KCNC1: variants seen among roughly 807,000 people sequenced by gnomAD.
The protein encoded by KCNC1 is voltage-gated potassium channel KCNC1.
KCNC1 carries 8 observed loss-of-function variants against 43.4 expected under a neutral mutation model. The ratio of observed to expected loss-of-function variants is 0.18; its 90% CI spans 0.11 to 0.33. The LOEUF is 0.33. Among genes scored for constraint, KCNC1 ranks in the 10% least tolerant of loss-of-function variants. The pLI is 1.00. For synonymous variants in KCNC1, 361 were observed against 360.5 expected (o/e 1.00, Z -0.01); for missense variants, 420 against 836.0 (o/e 0.50, Z 6.14).
chr11:17,772,232 G>GAGCACA lies in KCNC1; in HGVS notation c.1139_1144dup (p.His381_Thr382insLysHis). The GAGCACA allele has an allele frequency of 6.2e-7, 1 of 1,614,076 alleles. No homozygotes were observed. The highest frequency in any genetic ancestry group is 8.5e-7 in the Non-Finnish European group (1 of 1,180,038). On this transcript the variant is annotated inframe_insertion, in exon 2 of 4. Transcript: ENST00000265969. ...ACAGCCCAATGACCCCAGCGCCAGT[G>GAGCACA]AGCACACGCACTTTAAGAACATCCC...
chr11:17,743,718 C>T (rs532492252), intron 1 of KCNC1, among the ~76,000 whole-genome samples: 106 of 152,344 alleles, frequency 7.0e-4, no homozygotes, highest in African/African-American at 2.4e-3. Context: ...TCCTGCGGCT[C>T]CCTTCCGCCA....
chr11:17,763,571 T>TAC (rs148784935), intron 1 of KCNC1, among the ~76,000 whole-genome samples: 8,577 of 78,174 alleles, frequency 0.11, 922 homozygotes, highest in African/African-American at 0.31. Context: ...ACACATGCAA[T>TAC]ACACACACAC....
In KCNC1 at chr11:17,777,866, G is replaced by C. The variant is rs1239265562; in HGVS notation, c.1505-1590G>C. On this transcript the variant is annotated intron_variant, in intron 2 of 3. Coordinates refer to ENST00000265969, the MANE Select transcript of KCNC1 (RefSeq NM_001112741.2). The surrounding 1 kb of genome is among the most constrained non-coding windows in gnomAD (Gnocchi z 4.3). ...CTTTGTAGTGACATGATGTGTACAC[G>C]GGCGGTAATCCCACCCACGTGCACG... 1.0e-6 allele frequency: 1 copy of C among 986,088 alleles called. No individual in the cohort carries two copies. Among genetic ancestry groups the C allele is most frequent in the Admixed American group, 6.1e-5 (1 of 16,270 alleles). 61.1% of individuals were successfully genotyped at this position (986,088 alleles called of 1,614,324 possible).
In KCNC1 at chr11:17,770,661, C is replaced by T. The variant is rs1218811393; in HGVS notation, c.571-1004C>T. 2.0e-5 allele frequency among the ~76,000 whole-genome samples: 3 copies of T among 152,178 alleles called. No homozygotes were observed. The East Asian group carries it at 5.8e-4, about 29-fold the overall frequency. On this transcript the variant is annotated intron_variant, in intron 1 of 3. Transcript: ENST00000265969. The stretch of plus-strand genomic sequence containing the variant: ...AACCAAACCAAAGGGTCTCCCAAAC[C>T]TTTTTGCTGGGGGCTCAGGGCCAGA...
Position 17,779,571 on chromosome 11 carries a change from C to T in KCNC1, c.1620C>T (p.Arg540=), listed in dbSNP as rs1429680081. Residue 540 remains arginine (R), a synonymous_variant, in exon 3 of 4, where the codon CGC becomes CGT. Coordinates refer to ENST00000265969, the MANE Select transcript of KCNC1 (RefSeq NM_001112741.2). The surrounding 1 kb of genome is among the most constrained non-coding windows in gnomAD (Gnocchi z 7.2). ...TGCCCTTTACGCGCTCGGGCACCCG[C>T]GAGAGATACGGACCCTGCTTCCTCT... ...EGLPFTRSGT[R]ERYGPCFLLS... is the part of the protein sequence containing the mutation. 6 of 1,551,606 alleles carry T rather than the reference C, an allele frequency of 3.9e-6. No homozygotes were observed. Among genetic ancestry groups the T allele is most frequent in the Middle Eastern group, 1.7e-4 (1 of 5,988 alleles).
intron 1 of KCNC1, among the ~76,000 whole-genome samples, chr11:17,769,696 A>G (rs1849200176): frequency 6.6e-6 from 1 of 152,094 alleles, no homozygotes; most frequent in African/African-American, 2.4e-5. Flanking sequence ...AAATAAATAA[A>G]TAAATTAATT....
At chr11:17,738,137 G>T (rs1371839816) in intron 1 of KCNC1, among the ~76,000 whole-genome samples, 1 of 152,144 alleles carries the variant, frequency 6.6e-6, no homozygotes, top group Non-Finnish European at 1.5e-5. Context: ...GGTCACCCAG[G>T]GAGCTAGAGG....
rs1037611381 is a variant in KCNC1, at chr11:17,735,649, GC to G, written c.-351del. ...CCCACCTCCCGGGGCTCGCTGCTGA[GC>G]CCGCCCCCCTCCCTCTTTCCCCCTC... is the stretch of plus-strand genomic sequence containing the variant. On this transcript the variant is annotated 5_prime_UTR_variant, in exon 1 of 4. Coordinates refer to ENST00000265969, the MANE Select transcript of KCNC1 (RefSeq NM_001112741.2). The surrounding 1 kb of genome is among the most constrained non-coding windows in gnomAD (Gnocchi z 6.7). 2 of 127,634 alleles carry G rather than the reference GC, an allele frequency of 1.6e-5. No individual in the cohort carries two copies. Among genetic ancestry groups the G allele is most frequent in the African/African-American group, 6.1e-5 (2 of 32,716 alleles). The allele number at this position is 127,634 out of a possible 1,614,324, so 7.9% of individuals were successfully genotyped here. A position where few individuals can be genotyped will look rare whatever the true frequency, so the allele number is the denominator to read the frequency against.
chr11:17,779,569 C>T lies in KCNC1; in HGVS notation c.1618C>T (p.Arg540Cys), dbSNP rs1010198171. 3.0e-5 allele frequency: 46 copies of T among 1,551,426 alleles called. No individual in the cohort carries two copies. The highest frequency in any genetic ancestry group is 3.9e-5 in the Admixed American group (2 of 50,950). ...EGLPFTRSGTRERYGPCFLLS... is the reference protein window; with the variant it reads ...EGLPFTRSGTCERYGPCFLLS... ...CCTGCCCTTTACGCGCTCGGGCACC[C>T]GCGAGAGATACGGACCCTGCTTCCT... Residue 540 changes from arginine to cysteine, a missense_variant, in exon 3 of 4, where the codon CGC becomes TGC. By Grantham distance (180) the Arg-to-Cys change is radical (BLOSUM62 -3). This residue lies in a region of KCNC1 where 147 missense variants were observed against 176.1 expected (regional missense o/e 0.83). Transcript: ENST00000265969. This position sits in a 1 kb window ranked among gnomAD's most constrained non-coding sequence, Gnocchi z 7.2.
intron 1 of KCNC1, among the ~76,000 whole-genome samples, chr11:17,766,909 C>CA (rs1849156503): frequency 6.8e-6 from 1 of 146,420 alleles, no homozygotes; most frequent in Non-Finnish European, 1.5e-5. Flanking sequence ...CACCTGAGGT[C>CA]AGGAGTTCAA....
In KCNC1 at chr11:17,779,423, G is replaced by C; in HGVS notation, c.1505-33G>C. 1 of 1,455,030 alleles carries C rather than the reference G, an allele frequency of 6.9e-7. No homozygotes were observed. Among genetic ancestry groups the C allele is most frequent in the Non-Finnish European group, 9.1e-7 (1 of 1,099,782 alleles). 90.1% of individuals were successfully genotyped at this position (1,455,030 alleles called of 1,614,324 possible). A position where few individuals can be genotyped will look rare whatever the true frequency, so the allele number is the denominator to read the frequency against. The stretch of plus-strand genomic sequence containing the variant: ...CCTGCCCCCCACTAAACAGTTTTCA[G>C]TGTCTCAATAGCTTCTGCTTATATG... On this transcript the variant is annotated intron_variant, in intron 2 of 3. Transcript: ENST00000265969. The surrounding 1 kb of genome is among the most constrained non-coding windows in gnomAD (Gnocchi z 7.2).
rs751102079 is a variant in KCNC1, at chr11:17,771,653, T to C, written c.571-12T>C. ...TGGGCCTCCCTCTGACACTGTGTCT[T>C]TATCCCCACAGTATGTGGCCTTCGC... On this transcript the variant is annotated splice_polypyrimidine_tract_variant and intron_variant, in intron 1 of 3. Coordinates refer to ENST00000265969, the MANE Select transcript of KCNC1 (RefSeq NM_001112741.2). The surrounding 1 kb of genome is among the most constrained non-coding windows in gnomAD (Gnocchi z 4.7). The C allele has an allele frequency of 1.7e-5, 27 of 1,596,450 alleles. No individual in the cohort carries two copies. In the Middle Eastern group the frequency reaches 5.0e-4, roughly 30 times the overall value.
chr11:17,773,346 T>C lies in KCNC1; in HGVS notation c.1504+748T>C. 7 of 985,448 alleles carry C rather than the reference T, an allele frequency of 7.1e-6. No homozygotes were observed. Among genetic ancestry groups the C allele is most frequent in the Non-Finnish European group, 8.4e-6 (7 of 829,942 alleles). 61.0% of individuals were successfully genotyped at this position (985,448 alleles called of 1,614,324 possible). On this transcript the variant is annotated intron_variant, in intron 2 of 3. Coordinates refer to ENST00000265969, the MANE Select transcript of KCNC1 (RefSeq NM_001112741.2). This position sits in a 1 kb window ranked among gnomAD's most constrained non-coding sequence, Gnocchi z 4.1. ...CTTTCACGTTGTCTGTTTGGGTTGA[T>C]GGTCGAGTGGGAGTTTCCGGTGACC...
chr11:17,741,168 C>T, intron 1 of KCNC1, among the ~76,000 whole-genome samples: 1 of 152,044 alleles, frequency 6.6e-6, no homozygotes, highest in Non-Finnish European at 1.5e-5. Flanking sequence ...CCCTGCTTCC[C>T]ATGATCCTTG....
intron 2 of KCNC1, chr11:17,775,020 T>C (rs115937389): frequency 0.01 from 10,124 of 985,392 alleles, 62 homozygotes; most frequent in African/African-American, 0.018. Context: ...TTCACCTTTT[T>C]TCCTGCTTGC....
At chr11:17,746,190 C>G (rs1265115074) in intron 1 of KCNC1, among the ~76,000 whole-genome samples, 2 of 152,214 alleles carry the variant, frequency 1.3e-5, no homozygotes, top group Non-Finnish European at 2.9e-5. Context: ...GAGCCTGGAG[C>G]AGCGAATAAC....
chr11:17,745,703 A>G lies in KCNC1; in HGVS notation c.570+9131A>G, dbSNP rs541216321. Among the ~76,000 whole-genome samples the G allele has an allele frequency of 5.3e-5, 8 of 151,518 alleles. No individual in the cohort carries two copies. The South Asian group carries it at 1.5e-3, about 28-fold the overall frequency. On this transcript the variant is annotated intron_variant, in intron 1 of 3. Transcript: ENST00000265969. Reference sequence around the variant, plus strand: ...CCCAGCCTCCATGGCTTTCCTCCCCAGCGCTGCCCATGCTTCTGCCTCAAG... The same window carrying G: ...CCCAGCCTCCATGGCTTTCCTCCCCGGCGCTGCCCATGCTTCTGCCTCAAG...
intron 2 of KCNC1, chr11:17,775,532 G>T: frequency 1.0e-6 from 1 of 985,518 alleles, no homozygotes; most frequent in Non-Finnish European, 1.2e-6. Context: ...CACAGCCAGG[G>T]ATTGCCTAGG....
chr11:17,777,260 T>C lies in KCNC1; in HGVS notation c.1505-2196T>C. The stretch of plus-strand genomic sequence containing the variant: ...GAGGCAGAGAGAAGGCACCCCCCTC[T>C]GACCCACCCCTCCCCAGGCAAGAAC... On this transcript the variant is annotated intron_variant, in intron 2 of 3. Coordinates refer to ENST00000265969, the MANE Select transcript of KCNC1 (RefSeq NM_001112741.2). The surrounding 1 kb of genome is among the most constrained non-coding windows in gnomAD (Gnocchi z 4.3). The C allele has an allele frequency of 1.0e-6, 1 of 985,702 alleles. No homozygotes were observed. The highest frequency in any genetic ancestry group is 1.2e-6 in the Non-Finnish European group (1 of 829,964). The allele number at this position is 985,702 out of a possible 1,614,324, so 61.1% of individuals were successfully genotyped here.
Sources: allele counts gnomAD v4.1 joint callset (sites outside exome capture counted in the v4.1 genomes callset), GRCh38; gene constraint gnomAD v4.1.1; regional missense constraint gnomAD v4.1.1; non-coding constraint Gnocchi (gnomAD v3.1); transcripts MANE v1.5; gene names NCBI Gene and HGNC (gene_info 2026-07-23, HGNC 2026-07-21).